FSTL1: variants seen among roughly 807,000 people sequenced by gnomAD.
FSTL1 encodes follistatin-related protein 1.
Under a neutral mutation model 45.9 loss-of-function variants are expected in FSTL1, and 24 were observed. The ratio of observed to expected loss-of-function variants is 0.52; its 90% confidence interval spans 0.38 to 0.74. The LOEUF is 0.74. Among genes scored for constraint, FSTL1 ranks in the 30% least tolerant of loss-of-function variants. FSTL1 has a pLI of 0.00. For synonymous variants in FSTL1, 120 were observed against 137.6 expected, an observed-to-expected ratio of 0.87 and a Z score of 0.89; for missense variants, 340 against 381.8, an observed-to-expected ratio of 0.89 and a Z score of 0.91.
At chr3:120,448,159 C>T (rs1259339) in intron 2 of FSTL1, among the ~76,000 whole-genome samples, 129,841 of 152,254 alleles carry the variant, frequency 0.85, 56,006 homozygotes, top group Non-Finnish European at 0.93. Flanking sequence ...TATTTATGGT[C>T]GCAGAAAAGC....
At chr3:120,406,628 T>C (rs4676779) in intron 6 of FSTL1, among the ~76,000 whole-genome samples, 65,275 of 151,982 alleles carry the variant, frequency 0.43, 14,690 homozygotes, top group Non-Finnish European at 0.49. Flanking sequence ...CAGGCCAGAG[T>C]TGTATGTAGA....
chr3:120,436,980 G>A (rs1937573254), intron 2 of FSTL1, among the ~76,000 whole-genome samples: 1 of 151,904 alleles, frequency 6.6e-6, no homozygotes, highest in Non-Finnish European at 1.5e-5. Context: ...ACAGTAAAGG[G>A]AACTCAGTAT....
chr3:120,415,578 C>A (rs1232720810), intron 3 of FSTL1, among the ~76,000 whole-genome samples: 7 of 152,102 alleles, frequency 4.6e-5, no homozygotes, highest in African/African-American at 1.7e-4. Context: ...ACATGTGGAA[C>A]ATGTATCAAA....
At chr3:120,439,005 CGAGT>C (rs1937600204) in intron 2 of FSTL1, among the ~76,000 whole-genome samples, 1 of 152,134 alleles carries the variant, frequency 6.6e-6, no homozygotes, top group Admixed American at 6.5e-5. Context: ...ACTGGGGAAA[CGAGT>C]GAGGACAGAC....
chr3:120,397,135 G>A (rs759734336), intron 10 of FSTL1, 139 bp from the exon 11 acceptor site: 43 of 740,386 alleles, frequency 5.8e-5, no homozygotes, highest in Non-Finnish European at 8.9e-5. Context: ...GCTCCTCCAC[G>A]GACAATGAAC....
At chr3:120,448,412 G>A (rs1389911339) in intron 2 of FSTL1, among the ~76,000 whole-genome samples, 4 of 152,106 alleles carry the variant, frequency 2.6e-5, no homozygotes, top group African/African-American at 9.7e-5. Context: ...ATTCCCATAG[G>A]GAGAGGGTTA....
At chr3:120,444,539 G>T (rs1029557499) in intron 2 of FSTL1, among the ~76,000 whole-genome samples, 1 of 149,616 alleles carries the variant, frequency 6.7e-6, no homozygotes, top group Non-Finnish European at 1.5e-5. Flanking sequence ...CTGAAGTCCT[G>T]CCCCTTGGAT....
At chr3:120,427,667 AGT>A (rs776301624) in intron 2 of FSTL1, among the ~76,000 whole-genome samples, 2 of 152,160 alleles carry the variant, frequency 1.3e-5, no homozygotes, top group Non-Finnish European at 2.9e-5. Context: ...GACATTGAAG[AGT>A]GTGTTTGTGC....
intron 2 of FSTL1, among the ~76,000 whole-genome samples, chr3:120,450,410 C>A (rs550556274): frequency 1.3e-5 from 2 of 152,212 alleles, no homozygotes; most frequent in Non-Finnish European, 2.9e-5. Flanking sequence ...GCCTCGTCCC[C>A]GTCGGCCCAG....
At position 120,395,673 on chromosome 3, in the gene FSTL1, T is replaced by C. The variant is rs748051906; in HGVS notation, c.*1279A>G. On this transcript the variant is annotated 3_prime_UTR_variant, in exon 11 of 11. Transcript: ENST00000295633. ...CTTGTTCTAGTAACAAGATTTCATT[T>C]ATTCTATAGAGAAGAAGGAAAAATC... is the stretch of plus-strand genomic sequence containing the variant. 1 of 534,648 alleles carries C rather than the reference T, an allele frequency of 1.9e-6. No individual in the cohort carries two copies. The allele number at this position is 534,648 out of a possible 1,614,324, so 33.1% of individuals were successfully genotyped here.
chr3:120,403,961 C>CAAAAA (rs57786208), intron 7 of FSTL1, among the ~76,000 whole-genome samples: 142 of 75,774 alleles, frequency 1.9e-3, no homozygotes, highest in South Asian at 9.3e-3. Context: ...CAAAACAAAA[C>CAAAAA]AAAAACAAAA....
intron 9 of FSTL1, among the ~76,000 whole-genome samples, chr3:120,401,847 T>C (rs984144302): frequency 7.2e-5 from 11 of 152,226 alleles, no homozygotes; most frequent in Non-Finnish European, 1.3e-4. Flanking sequence ...GTTGGGATTA[T>C]AGGCATAAGC....
intron 10 of FSTL1, among the ~76,000 whole-genome samples, chr3:120,399,625 C>T (rs189120141): frequency 6.6e-6 from 1 of 152,308 alleles, no homozygotes; most frequent in Non-Finnish European, 1.5e-5. Flanking sequence ...CAAATCACCA[C>T]CTGCCTGATT....
At chr3:120,431,560 C>T (rs750292628) in intron 2 of FSTL1, among the ~76,000 whole-genome samples, 45 of 151,968 alleles carry the variant, frequency 3.0e-4, no homozygotes, top group Non-Finnish European at 6.0e-4. Flanking sequence ...CGGTGGCTCA[C>T]GCCTGTTATC....
chr3:120,428,287 G>A (rs1937418092), intron 2 of FSTL1, among the ~76,000 whole-genome samples: 1 of 152,166 alleles, frequency 6.6e-6, no homozygotes, highest in Non-Finnish European at 1.5e-5. Context: ...CTTGGATTGG[G>A]CACATTAGTA....
At chr3:120,444,759 C>T (rs1259331) in intron 2 of FSTL1, among the ~76,000 whole-genome samples, 89,773 of 149,440 alleles carry the variant, frequency 0.6, 30,636 homozygotes, top group East Asian at 0.75. Context: ...CCCATAAATC[C>T]ACTACCTACA....
At chr3:120,402,377 C>G (rs1936843097) in intron 9 of FSTL1, among the ~76,000 whole-genome samples, 1 of 151,878 alleles carries the variant, frequency 6.6e-6, no homozygotes. Context: ...ATGGTTTTTG[C>G]TGAGTATTTG....
chr3:120,423,159 C>A (rs927933753), intron 2 of FSTL1: 3 of 152,168 alleles, frequency 2.0e-5, no homozygotes, highest in East Asian at 1.9e-4. Context: ...CCACCATTTT[C>A]TTTATTATTT....
At chr3:120,422,419 T>C (rs952172869) in intron 2 of FSTL1, among the ~76,000 whole-genome samples, 2 of 152,236 alleles carry the variant, frequency 1.3e-5, no homozygotes, top group Non-Finnish European at 2.9e-5. Context: ...CATTTCACCA[T>C]ATATATGAAT....
Sources: allele counts gnomAD v4.1 joint callset (sites outside exome capture counted in the v4.1 genomes callset), GRCh38; gene constraint gnomAD v4.1.1; transcripts MANE v1.5; gene names NCBI Gene and HGNC (gene_info 2026-07-23, HGNC 2026-07-21).